The following CDH9 variants were observed in gnomAD, a reference collection of about 807,000 sequenced individuals.
The protein encoded by CDH9 is cadherin-9.
A neutral mutation model predicts 70.9 loss-of-function variants in CDH9; 28 were observed. That is an observed-to-expected ratio of 0.40 (90% CI 0.29 to 0.54). The LOEUF is 0.54. Among genes scored for constraint, CDH9 ranks in the 20% least tolerant of loss-of-function variants. CDH9 has a pLI of 0.59. For synonymous variants in CDH9, 409 were observed against 343.1 expected (o/e 1.19, Z -2.12); for missense variants, 874 against 984.4 (o/e 0.89, Z 1.50).
rs553813564 is a variant in CDH9 at position 27,022,431 on chromosome 5, T to C, written c.-50+16032A>G. Among the ~76,000 whole-genome samples, 5 of 152,244 alleles carry C rather than the reference T, an allele frequency of 3.3e-5. 1 individual carries two copies. Among genetic ancestry groups the C allele is most frequent in the Admixed American group, 3.3e-4 (5 of 15,240 alleles). On this transcript the variant is annotated intron_variant, in intron 1 of 11. Coordinates refer to ENST00000231021, the MANE Select transcript of CDH9 (RefSeq NM_016279.4). ...TTCTCCATACCACACAATTCCTTGA[T>C]ATAATAATTTGTAAATGCAAATAGT...
rs541131235 is a variant in CDH9 at position 27,019,081 on chromosome 5, G to A, written c.-50+19382C>T. ...GCACTGAAATCCACCCAGAAATTGT[G>A]GGAGGAATCCCAAAAAAAGTAGTAA... is the stretch of plus-strand genomic sequence containing the variant. On this transcript the variant is annotated intron_variant, in intron 1 of 11. Coordinates refer to ENST00000231021, the MANE Select transcript of CDH9 (RefSeq NM_016279.4). Among the ~76,000 whole-genome samples the A allele has an allele frequency of 2.0e-5, 3 of 151,994 alleles. 1 individual carries two copies. Among genetic ancestry groups the A allele is most frequent in the African/African-American group, 7.2e-5 (3 of 41,512 alleles).
intron 2 of CDH9, among the ~76,000 whole-genome samples, chr5:26,920,062 C>T (rs530852479): frequency 6.4e-4 from 97 of 152,116 alleles, no homozygotes; most frequent in Non-Finnish European, 7.8e-4. Context: ...TGGGGTAGAG[C>T]ACCAAAAGTA....
chr5:26,925,205 C>A (rs1741315502), intron 2 of CDH9, among the ~76,000 whole-genome samples: 1 of 152,152 alleles, frequency 6.6e-6, no homozygotes, highest in South Asian at 2.1e-4. Flanking sequence ...ACATCCTCTC[C>A]AGCATCTCTT....
At chr5:26,947,911 G>A (rs544740010) in intron 2 of CDH9, among the ~76,000 whole-genome samples, 41 of 152,154 alleles carry the variant, frequency 2.7e-4, no homozygotes, top group Admixed American at 8.5e-4. Context: ...CAAGATGTAG[G>A]GTTGCCTTGC....
At chr5:26,997,332 A>T (rs1742683683) in intron 1 of CDH9, among the ~76,000 whole-genome samples, 1 of 152,016 alleles carries the variant, frequency 6.6e-6, no homozygotes, top group East Asian at 1.9e-4. Flanking sequence ...AACGTAAGCA[A>T]TTTTTCTGAC....
chr5:26,971,905 T>A (rs1280065183), intron 2 of CDH9, among the ~76,000 whole-genome samples: 1 of 152,206 alleles, frequency 6.6e-6, no homozygotes, highest in South Asian at 2.1e-4. Context: ...TGAACACCTT[T>A]TAAATCTCAA....
Position 26,978,324 on chromosome 5 carries a change from T to C in CDH9, c.228+9782A>G, listed in dbSNP as rs140658890. ...AATTGGAAGTACATGGGAAATGCCA[T>C]AAAATATGTAAAAATTCTAACAGAT... On this transcript the variant is annotated intron_variant, in intron 2 of 11. Coordinates refer to ENST00000231021, the MANE Select transcript of CDH9 (RefSeq NM_016279.4). Among the ~76,000 whole-genome samples, 566 of 151,932 alleles carry C rather than the reference T, an allele frequency of 3.7e-3. 7 individuals are homozygous for C. Among genetic ancestry groups the C allele is most frequent in the African/African-American group, 0.013 (545 of 41,542 alleles).
At chr5:27,033,215 A>T (rs1300453270) in intron 1 of CDH9, among the ~76,000 whole-genome samples, 1 of 151,360 alleles carries the variant, frequency 6.6e-6, no homozygotes. Context: ...TTTATAATAT[A>T]ATATCTAATA....
chr5:26,952,478 A>AAC (rs1553999999), intron 2 of CDH9, among the ~76,000 whole-genome samples: 19 of 135,150 alleles, frequency 1.4e-4, no homozygotes, highest in Non-Finnish European at 3.1e-4. Context: ...AAAAAAAAAA[A>AAC]AAAAAAAAAA....
intron 1 of CDH9, among the ~76,000 whole-genome samples, chr5:26,989,499 CTCT>C (rs1561030990): frequency 7.0e-6 from 1 of 143,024 alleles, no homozygotes; most frequent in Non-Finnish European, 1.5e-5. Flanking sequence ...TATTCTCTCT[CTCT>C]TCTCTGTCTC....
chr5:27,034,428 T>A (rs1448957821), intron 1 of CDH9, among the ~76,000 whole-genome samples: 2 of 151,802 alleles, frequency 1.3e-5, no homozygotes, highest in Non-Finnish European at 2.9e-5. Flanking sequence ...GAATGCTTAT[T>A]TCTCCTGCAA....
intron 2 of CDH9, among the ~76,000 whole-genome samples, chr5:26,985,590 CACCTGTA>C (rs1439876378): frequency 1.2e-3 from 189 of 152,232 alleles, no homozygotes; most frequent in Middle Eastern, 0.01. Flanking sequence ...AATTTTACAG[CACCTGTA>C]AATTAATATG....
At chr5:26,987,060 C>G (rs879455212) in intron 2 of CDH9, among the ~76,000 whole-genome samples, 2 of 147,714 alleles carry the variant, frequency 1.4e-5, no homozygotes, top group Non-Finnish European at 3.0e-5. Flanking sequence ...AAGCTACAAG[C>G]ATGACATTTG....
intron 1 of CDH9, among the ~76,000 whole-genome samples, chr5:27,021,895 T>A (rs1579517937): frequency 6.6e-6 from 1 of 152,004 alleles, no homozygotes; most frequent in East Asian, 1.9e-4. Flanking sequence ...GAAGAGGAGA[T>A]AATTTACCTA....
intron 1 of CDH9, among the ~76,000 whole-genome samples, chr5:26,994,240 G>A (rs1254053864): frequency 1.3e-5 from 2 of 152,154 alleles, no homozygotes; most frequent in Non-Finnish European, 2.9e-5. Context: ...TAGAGTTGAT[G>A]TTGGAATAAG....
At chr5:27,008,998 TGAAGAACC>T (rs1742912763) in intron 1 of CDH9, among the ~76,000 whole-genome samples, 1 of 152,168 alleles carries the variant, frequency 6.6e-6, no homozygotes, top group Admixed American at 6.6e-5. Flanking sequence ...AAGGCATTAG[TGAAGAACC>T]ATCTTACCAC....
intron 2 of CDH9, among the ~76,000 whole-genome samples, chr5:26,954,218 T>C (rs1741899991): frequency 6.6e-6 from 1 of 152,076 alleles, no homozygotes; most frequent in Non-Finnish European, 1.5e-5. Flanking sequence ...GAAAGGTATT[T>C]AAATAAAGAT....
intron 2 of CDH9, among the ~76,000 whole-genome samples, chr5:26,951,432 T>C (rs1165989852): frequency 6.6e-6 from 1 of 152,052 alleles, no homozygotes; most frequent in Non-Finnish European, 1.5e-5. Flanking sequence ...TTTAGTGGAA[T>C]GTCCCCACTT....
intron 2 of CDH9, among the ~76,000 whole-genome samples, chr5:26,972,145 G>A (rs552929168): frequency 2.0e-5 from 3 of 152,140 alleles, no homozygotes; most frequent in Admixed American, 6.5e-5. Flanking sequence ...TAGGGAAAAC[G>A]TACTGTAGTA....
Sources: allele counts gnomAD v4.1 joint callset (sites outside exome capture counted in the v4.1 genomes callset), GRCh38; gene constraint gnomAD v4.1.1; transcripts MANE v1.5; gene names NCBI Gene and HGNC (gene_info 2026-07-23, HGNC 2026-07-21).